Variants in MARCHF1 observed in about 807,000 individuals in gnomAD.
MARCHF1 encodes E3 ubiquitin-protein ligase MARCHF1.
MARCHF1 carries 40 observed loss-of-function variants against 54.2 expected under a neutral mutation model. That is an observed-to-expected ratio of 0.74 (90% CI 0.57 to 0.96). The LOEUF is 0.96. Ranked by LOEUF, MARCHF1 falls within the 40% of genes least tolerant of loss-of-function variation. MARCHF1 has a pLI of 0.00. For synonymous variants in MARCHF1, 236 were observed against 236.3 expected (o/e 1.00, Z 0.01); for missense variants, 586 against 656.5 (o/e 0.89, Z 1.17).
chr4:163,534,392 A>G (rs1191612543), intron 9 of MARCHF1, among the ~76,000 whole-genome samples: 1 of 152,064 alleles, frequency 6.6e-6, no homozygotes, highest in East Asian at 1.9e-4. Flanking sequence ...TCCAGGAGAA[A>G]CCCTATTAAT....
At position 163,923,714 on chromosome 4, in the gene MARCHF1, T is replaced by C. The variant is rs557011042; in HGVS notation, c.-39+64787A>G. ...GGCTAAAGTGATTGTATTTAATATA[T>C]ACATTTATGCTACAATATTAAGTCT... On this transcript the variant is annotated intron_variant, in intron 3 of 9. Transcript: ENST00000514618. Among the ~76,000 whole-genome samples the C allele has an allele frequency of 6.6e-5, 10 of 151,162 alleles. 1 individual carries two copies. The South Asian group carries it at 2.1e-3, about 31-fold the overall frequency.
chr4:164,258,774 T>C (rs1246501271), intron 1 of MARCHF1, among the ~76,000 whole-genome samples: 1 of 152,188 alleles, frequency 6.6e-6, no homozygotes, highest in Non-Finnish European at 1.5e-5. Context: ...TCATTCTTAT[T>C]GCTCACTTTA....
intron 1 of MARCHF1, among the ~76,000 whole-genome samples, chr4:164,183,100 T>C (rs62347971): frequency 0.1 from 15,635 of 152,098 alleles, 1,135 homozygotes; most frequent in South Asian, 0.23. Flanking sequence ...GTTAACTTTT[T>C]CCATTCTCTA....
chr4:164,382,071 A>C (rs1202846912), intron 1 of MARCHF1, among the ~76,000 whole-genome samples: 1 of 152,230 alleles, frequency 6.6e-6, no homozygotes, highest in Non-Finnish European at 1.5e-5. Flanking sequence ...TGTAAAAGCT[A>C]CAATGAGCTT....
At chr4:164,260,124 A>T (rs1430051100) in intron 1 of MARCHF1, among the ~76,000 whole-genome samples, 13 of 152,182 alleles carry the variant, frequency 8.5e-5, no homozygotes, top group African/African-American at 3.1e-4. Flanking sequence ...ATTAAAAAAA[A>T]TCTAAAAAGT....
chr4:163,944,471 C>A (rs916041953), intron 3 of MARCHF1, among the ~76,000 whole-genome samples: 1 of 152,178 alleles, frequency 6.6e-6, no homozygotes, highest in Non-Finnish European at 1.5e-5. Flanking sequence ...AAAGGCCCAG[C>A]TGCTTGAGCC....
chr4:163,934,576 T>TAAAA (rs551026107), intron 3 of MARCHF1, among the ~76,000 whole-genome samples: 1 of 77,876 alleles, frequency 1.3e-5, no homozygotes, highest in Non-Finnish European at 2.4e-5. Flanking sequence ...TCTTTTTAAG[T>TAAAA]AAAAAAAAAA....
chr4:163,593,844 G>A (rs914278514), intron 7 of MARCHF1, among the ~76,000 whole-genome samples: 2 of 152,166 alleles, frequency 1.3e-5, no homozygotes, highest in Non-Finnish European at 2.9e-5. Context: ...CACATTGAGT[G>A]AAGAATGATC....
intron 2 of MARCHF1, among the ~76,000 whole-genome samples, chr4:164,090,708 G>C (rs189946624): frequency 1.3e-5 from 2 of 152,008 alleles, no homozygotes; most frequent in Non-Finnish European, 2.9e-5. Context: ...ATCTTATTGA[G>C]ATAAGAATCT....
intron 1 of MARCHF1, among the ~76,000 whole-genome samples, chr4:164,310,142 ATC>A (rs770240881): frequency 8.6e-5 from 13 of 152,022 alleles, no homozygotes; most frequent in Non-Finnish European, 1.3e-4. Context: ...CAGTGGCGCC[ATC>A]TCGGCTCACT....
chr4:163,940,021 C>T lies in MARCHF1; in HGVS notation c.-39+48480G>A, dbSNP rs1440984900. Among the ~76,000 whole-genome samples the T allele has an allele frequency of 2.0e-5, 3 of 151,954 alleles. 1 individual carries two copies. The South Asian group carries it at 6.2e-4, about 32-fold the overall frequency. ...GATAATAAGGTCACAAGGGTGACAC[C>T]CTCATGAATGGAGTTAGTGCCCTTC... On this transcript the variant is annotated intron_variant, in intron 3 of 9. Transcript: ENST00000514618.
At chr4:164,056,740 T>C (rs1013354930) in intron 2 of MARCHF1, among the ~76,000 whole-genome samples, 5 of 152,210 alleles carry the variant, frequency 3.3e-5, no homozygotes, top group African/African-American at 1.2e-4. Flanking sequence ...TGTCTGTGCC[T>C]GCCATCTTGA....
At chr4:164,356,858 T>G (rs1329197535) in intron 1 of MARCHF1, among the ~76,000 whole-genome samples, 2 of 150,876 alleles carry the variant, frequency 1.3e-5, no homozygotes, top group Non-Finnish European at 2.9e-5. Flanking sequence ...CAGAAAAATA[T>G]TAGTGGTTTA....
intron 4 of MARCHF1, among the ~76,000 whole-genome samples, chr4:163,724,087 G>C (rs910640170): frequency 2.0e-5 from 3 of 152,168 alleles, no homozygotes; most frequent in Non-Finnish European, 4.4e-5. Flanking sequence ...TCCTTTGGAG[G>C]GGGAGAGGTA....
intron 4 of MARCHF1, among the ~76,000 whole-genome samples, chr4:163,753,564 A>G (rs1430320294): frequency 6.6e-6 from 1 of 152,162 alleles, no homozygotes; most frequent in African/African-American, 2.4e-5. Context: ...AAGCCTAGAC[A>G]AGACCAAACC....
At chr4:164,252,850 T>C (rs1313903774) in intron 1 of MARCHF1, among the ~76,000 whole-genome samples, 2 of 152,110 alleles carry the variant, frequency 1.3e-5, no homozygotes, top group African/African-American at 2.4e-5. Context: ...ATGAGGAATA[T>C]AGATTCGGAA....
chr4:163,710,314 TTC>T (rs767431302), intron 4 of MARCHF1, among the ~76,000 whole-genome samples: 64 of 152,302 alleles, frequency 4.2e-4, no homozygotes, highest in Admixed American at 1.7e-3. Flanking sequence ...GTGAAATAAT[TTC>T]TGTTTTTGCC....
At chr4:164,113,475 A>T (rs1212314339) in intron 1 of MARCHF1, among the ~76,000 whole-genome samples, 1 of 151,900 alleles carries the variant, frequency 6.6e-6, no homozygotes, top group Non-Finnish European at 1.5e-5. Context: ...AGAGGGAGGG[A>T]AAGATAAAGA....
At chr4:164,073,907 G>C (rs985304017) in intron 2 of MARCHF1, among the ~76,000 whole-genome samples, 24 of 152,118 alleles carry the variant, frequency 1.6e-4, no homozygotes, top group Admixed American at 4.6e-4. Context: ...TGGTTCAAGA[G>C]ATTCTCCTGC....
Sources: allele counts gnomAD v4.1 joint callset (sites outside exome capture counted in the v4.1 genomes callset), GRCh38; gene constraint gnomAD v4.1.1; transcripts MANE v1.5; gene names NCBI Gene and HGNC (gene_info 2026-07-23, HGNC 2026-07-21).